TRMT11: variants seen among roughly 807,000 people sequenced by gnomAD.
TRMT11 encodes tRNA methyltransferase 11, also known as tRNA (guanine(10)-N(2))-methyltransferase TRMT11.
TRMT11 carries 53 observed loss-of-function variants against 62.8 expected under a neutral mutation model. The observed-to-expected ratio is 0.84, with a 90% CI of 0.68 to 1.06. The LOEUF is 1.06. TRMT11 is among the 50% of genes least tolerant of loss of function. The pLI is 0.00. For missense variants in TRMT11, 556 were observed against 553.4 expected (o/e 1.00, Z -0.05); for synonymous variants, 188 against 190.3 (o/e 0.99, Z 0.10).
chr6:126,220,555 A>G, the TRMT11 span, among the ~76,000 whole-genome samples: 1 of 152,190 alleles, frequency 6.6e-6, no homozygotes, highest in African/African-American at 2.4e-5. Context: ...CGCTCTGAAG[A>G]TCATAAAAAT....
At chr6:125,991,552 T>C (rs1790633176) in intron 1 of TRMT11, among the ~76,000 whole-genome samples, 1 of 152,042 alleles carries the variant, frequency 6.6e-6, no homozygotes, top group African/African-American at 2.4e-5. Flanking sequence ...AGTTATCTCT[T>C]TGCCTCGGCC....
At chr6:126,241,447 G>A in the TRMT11 span, among the ~76,000 whole-genome samples, 2 of 152,072 alleles carry the variant, frequency 1.3e-5, no homozygotes, top group East Asian at 3.9e-4. Context: ...CATTTTATGA[G>A]GCCAGCATCA....
intron 2 of TRMT11, among the ~76,000 whole-genome samples, chr6:126,199,572 T>C (rs1227430657): frequency 6.6e-6 from 1 of 152,200 alleles, no homozygotes; most frequent in Non-Finnish European, 1.5e-5. Context: ...TAGAATTTAG[T>C]TTGTCACAAA....
At chr6:126,214,064 C>T in the TRMT11 span, among the ~76,000 whole-genome samples, 2 of 151,982 alleles carry the variant, frequency 1.3e-5, no homozygotes, top group African/African-American at 2.4e-5. Flanking sequence ...GCATGTTCAA[C>T]GATCTTTGCA....
intron 17 of TRMT11, among the ~76,000 whole-genome samples, chr6:126,102,437 G>C (rs560192447): frequency 1.3e-5 from 2 of 151,764 alleles, no homozygotes; most frequent in African/African-American, 2.4e-5. Context: ...TGCTGGCCTC[G>C]TCGTTGAAAA....
At chr6:126,232,509 C>G in the TRMT11 span, among the ~76,000 whole-genome samples, 1 of 151,876 alleles carries the variant, frequency 6.6e-6, no homozygotes, top group Non-Finnish European at 1.5e-5. Context: ...CAGTTAGTAA[C>G]TAGACATTTT....
At chr6:126,101,919 G>A (rs551934293) in intron 17 of TRMT11, among the ~76,000 whole-genome samples, 1 of 152,328 alleles carries the variant, frequency 6.6e-6, no homozygotes, top group African/African-American at 2.4e-5. Context: ...GAATATTCCA[G>A]TAAACTCCTG....
chr6:126,049,461 T>A (rs971556691), intron 16 of TRMT11, among the ~76,000 whole-genome samples: 2 of 152,222 alleles, frequency 1.3e-5, no homozygotes, highest in South Asian at 4.1e-4. Flanking sequence ...TCCAAGAGTG[T>A]TAATTTTTTT....
chr6:126,026,843 C>T (rs1403548205), intron 12 of TRMT11, among the ~76,000 whole-genome samples: 12 of 131,480 alleles, frequency 9.1e-5, no homozygotes, highest in Non-Finnish European at 1.7e-4. Flanking sequence ...TGCTCTGTTG[C>T]CCAGGATGGA....
intron 17 of TRMT11, among the ~76,000 whole-genome samples, chr6:126,085,263 T>C (rs1777201113): frequency 6.6e-6 from 1 of 152,182 alleles, no homozygotes; most frequent in Admixed American, 6.5e-5. Context: ...CCCCTAAAAA[T>C]GTTCATCTTT....
chr6:126,031,719 T>G (rs1253578669), intron 12 of TRMT11, among the ~76,000 whole-genome samples: 7 of 152,176 alleles, frequency 4.6e-5, no homozygotes, highest in Non-Finnish European at 1.0e-4. Context: ...AGCCCAGTGT[T>G]GAGGGACCTT....
intron 21 of TRMT11, among the ~76,000 whole-genome samples, chr6:126,132,900 C>T (rs1777803383): frequency 6.6e-6 from 1 of 151,992 alleles, no homozygotes. Flanking sequence ...TCAACCAAAT[C>T]TGAAACACAT....
intron 12 of TRMT11, among the ~76,000 whole-genome samples, chr6:126,024,657 C>G (rs1361016275): frequency 1.3e-5 from 2 of 152,174 alleles, no homozygotes; most frequent in African/African-American, 4.8e-5. Flanking sequence ...AGGGTTAGGG[C>G]CTTAACATAT....
chr6:126,045,391 C>A (rs1368455751), intron 16 of TRMT11, among the ~76,000 whole-genome samples: 1 of 152,072 alleles, frequency 6.6e-6, no homozygotes, highest in Non-Finnish European at 1.5e-5. Context: ...ACATAGCTTT[C>A]TGGAAGAGGA....
chr6:126,099,111 T>C (rs1442038048), intron 17 of TRMT11, among the ~76,000 whole-genome samples: 1 of 152,218 alleles, frequency 6.6e-6, no homozygotes, highest in African/African-American at 2.4e-5. Flanking sequence ...TCTTAAATTA[T>C]TCATTGTTAG....
chr6:126,157,888 C>G (rs1012032518), intron 21 of TRMT11, among the ~76,000 whole-genome samples: 1 of 151,970 alleles, frequency 6.6e-6, no homozygotes, highest in African/African-American at 2.4e-5. Flanking sequence ...ATACAGAATG[C>G]TCTCCCATGA....
chr6:126,003,911 A>G (rs1792932725), intron 7 of TRMT11, among the ~76,000 whole-genome samples: 1 of 151,966 alleles, frequency 6.6e-6, no homozygotes, highest in African/African-American at 2.4e-5. Flanking sequence ...AGAGGAATTC[A>G]TTTGTGTTTT....
chr6:126,038,926 G>T lies in TRMT11; in HGVS notation c.*90G>T, dbSNP rs1461887703. 9.3e-7 allele frequency: 1 copy of T among 1,071,952 alleles called. No individual in the cohort carries two copies. Among genetic ancestry groups the T allele is most frequent in the African/African-American group, 1.6e-5 (1 of 61,104 alleles). The allele number at this position is 1,071,952 out of a possible 1,614,324, so 66.4% of individuals were successfully genotyped here. A position where few individuals can be genotyped will look rare whatever the true frequency, so the allele number is the denominator to read the frequency against. On this transcript the variant is annotated 3_prime_UTR_variant, in exon 13 of 13. Transcript: ENST00000334379. ...CTTTCATGTATGATCCAGAAAATAG[G>T]TACGGTTTTAAAATATTTTATATAG...
intron 17 of TRMT11, among the ~76,000 whole-genome samples, chr6:126,082,332 TA>T (rs1317604427): frequency 8.6e-5 from 13 of 152,046 alleles, no homozygotes; most frequent in African/African-American, 3.1e-4. Flanking sequence ...TGTATTATAT[TA>T]TCAATATATT....
Sources: allele counts gnomAD v4.1 joint callset (sites outside exome capture counted in the v4.1 genomes callset), GRCh38; gene constraint gnomAD v4.1.1; transcripts MANE v1.5; gene names NCBI Gene and HGNC (gene_info 2026-07-23, HGNC 2026-07-21).